CFAP70: variants seen among roughly 807,000 people sequenced by gnomAD.
The protein encoded by CFAP70 is cilia and flagella associated protein 70.
A neutral mutation model predicts 137.6 loss-of-function variants in CFAP70; 81 were observed. The ratio of observed to expected loss-of-function variants is 0.59; its 90% CI spans 0.49 to 0.71. The LOEUF is 0.71. Ranked by LOEUF, CFAP70 falls within the 30% of genes least tolerant of loss-of-function variation. CFAP70 has a pLI of 0.00. For synonymous variants in CFAP70, 382 were observed against 423.6 expected (o/e 0.90, Z 1.20); for missense variants, 976 against 1,226.7 (o/e 0.80, Z 3.05).
intron 3 of CFAP70, among the ~76,000 whole-genome samples, chr10:73,350,457 T>C (rs1046811299): frequency 9.9e-5 from 15 of 152,224 alleles, no homozygotes. Context: ...CCATGAACTT[T>C]TCATATTCCT....
chr10:73,273,809 A>G (rs2046489044), intron 23 of CFAP70, among the ~76,000 whole-genome samples: 2 of 152,232 alleles, frequency 1.3e-5, no homozygotes, highest in African/African-American at 2.4e-5. Context: ...AAAATAGAAT[A>G]AAGTCAAAAC....
intron 12 of CFAP70, among the ~76,000 whole-genome samples, chr10:73,300,594 G>A (rs1252633896): frequency 6.6e-6 from 1 of 152,182 alleles, no homozygotes; most frequent in Non-Finnish European, 1.5e-5. Context: ...CAGCCATGGT[G>A]GCTCATGCCT....
intron 19 of CFAP70, among the ~76,000 whole-genome samples, chr10:73,282,826 CTT>C (rs1203127459): frequency 2.7e-3 from 245 of 90,912 alleles, no homozygotes; most frequent in African/African-American, 8.7e-3. Flanking sequence ...TTCCTGTTAT[CTT>C]TTTTTTTTTT....
At chr10:73,334,381 C>A (rs1386944605) in intron 7 of CFAP70, among the ~76,000 whole-genome samples, 1 of 152,116 alleles carries the variant, frequency 6.6e-6, no homozygotes, top group Non-Finnish European at 1.5e-5. Context: ...CAGCATGTGT[C>A]CTTTTTAATC....
At chr10:73,299,465 G>A in intron 13 of CFAP70, 140 bp downstream of exon 14, 1 of 679,302 alleles carries the variant, frequency 1.5e-6, no homozygotes, top group East Asian at 2.7e-5. Flanking sequence ...GATCACAAAT[G>A]GAACCAGCAA....
intron 6 of CFAP70, among the ~76,000 whole-genome samples, chr10:73,339,654 A>G (rs984240317): frequency 2.0e-5 from 3 of 152,230 alleles, no homozygotes; most frequent in Non-Finnish European, 4.4e-5. Context: ...ACAGCCAGGC[A>G]TGCTGGCTGC....
At chr10:73,349,057 G>A (rs1406011237) in intron 3 of CFAP70, among the ~76,000 whole-genome samples, 2 of 140,028 alleles carry the variant, frequency 1.4e-5, no homozygotes, top group South Asian at 2.4e-4. Flanking sequence ...GGGAAACTCC[G>A]TCTCAAAAAA....
At chr10:73,351,368 T>C (rs980920692) in intron 3 of CFAP70, among the ~76,000 whole-genome samples, 1 of 152,006 alleles carries the variant, frequency 6.6e-6, no homozygotes, top group Non-Finnish European at 1.5e-5. Flanking sequence ...TCTGCCCGCC[T>C]TGGCCTCCCA....
chr10:73,308,810 GAA>G (rs199522556), intron 12 of CFAP70, among the ~76,000 whole-genome samples: 27 of 92,514 alleles, frequency 2.9e-4, no homozygotes, highest in African/African-American at 5.8e-4. Context: ...CAAGAGAAAT[GAA>G]AAAAAAAAAA....
intron 25 of CFAP70, among the ~76,000 whole-genome samples, chr10:73,267,650 T>C (rs2045897343): frequency 6.6e-6 from 1 of 152,226 alleles, no homozygotes; most frequent in South Asian, 2.1e-4. Flanking sequence ...CTGCTGTGTA[T>C]AACACCCATT....
upstream of CFAP70, among the ~76,000 whole-genome samples, chr10:73,361,112 C>T (rs2054987486): frequency 6.6e-6 from 1 of 151,778 alleles, no homozygotes. Flanking sequence ...GATTCTTGTG[C>T]CTCAGCCACT....
chr10:73,278,379 T>C, intron 19 of CFAP70, 42 bp from the exon 21 acceptor site: 1 of 1,545,280 alleles, frequency 6.5e-7, no homozygotes, highest in Non-Finnish European at 8.8e-7. Context: ...ACTTCTTACA[T>C]TGGGTGTTTA....
chr10:73,341,698 C>A lies in CFAP70; in HGVS notation c.400-117G>T, dbSNP rs558240305. On this transcript the variant is annotated intron_variant, in intron 5 of 26. Coordinates refer to ENST00000310715, the Ensembl canonical transcript of CFAP70. ...GAGTGTTATCAAACATACCCCTCTA[C>A]GATTAATCTGATTCTAGAGAGGGGC... 5.9e-5 allele frequency: 50 copies of A among 845,244 alleles called. No individual in the cohort carries two copies. The East Asian group carries it at 1.1e-3, about 19-fold the overall frequency. 52.4% of individuals were successfully genotyped at this position (845,244 alleles called of 1,614,324 possible).
At chr10:73,278,224 G>C in exon 20 of CFAP70, 1 of 1,613,886 alleles carries the variant, frequency 6.2e-7, no homozygotes, top group Non-Finnish European at 8.5e-7. Context: ...GATGGTTTTT[G>C]GCTTATACTT....
intron 19 of CFAP70, among the ~76,000 whole-genome samples, chr10:73,290,684 G>C (rs988372890): frequency 6.6e-6 from 1 of 152,076 alleles, no homozygotes; most frequent in African/African-American, 2.4e-5. Context: ...AGAACAGCAG[G>C]GGAAAGGGAG....
intron 8 of CFAP70, among the ~76,000 whole-genome samples, chr10:73,326,334 G>C (rs1433012595): frequency 6.8e-6 from 1 of 147,540 alleles, no homozygotes; most frequent in Non-Finnish European, 1.5e-5. Context: ...CACATTCAAA[G>C]CAGTGTGTAG....
intron 7 of CFAP70, among the ~76,000 whole-genome samples, chr10:73,332,610 C>CATCAACAGAGTTTCAATATAAT (rs1318868881): frequency 3.2e-4 from 48 of 152,214 alleles, no homozygotes; most frequent in Non-Finnish European, 1.3e-4. Context: ...TTTGCCACCA[C>CATCAACAGAGTTTCAATATAAT]ATCAACAGAG....
intron 26 of CFAP70, chr10:73,254,465 TAGAATCTAGATATGTAGTAG>T (rs1463903601): frequency 6.5e-6 from 1 of 152,942 alleles, no homozygotes; most frequent in East Asian, 1.9e-4. Flanking sequence ...GTTTTAGTTT[TAGAATCTAGATATGTAGTAG>T]AGACATCTAG....
chr10:73,274,560 T>C (rs1396481888), exon 23 of CFAP70: 4 of 1,614,044 alleles, frequency 2.5e-6, no homozygotes, highest in East Asian at 4.5e-5. Context: ...ACTCAGAAAA[T>C]AGAGATGGCC....
Sources: gnomAD v4.1 joint callset for allele counts (sites outside exome capture counted in the v4.1 genomes callset) on GRCh38, gnomAD v4.1.1 for gene constraint, MANE v1.5 for transcripts, NCBI Gene and HGNC (gene_info 2026-07-23, HGNC 2026-07-21) for gene names.